ABHD18: variants seen among roughly 807,000 people sequenced by gnomAD.
ABHD18 encodes the protein cardiolipin-specific deacylase, mitochondrial.
In ABHD18, 55 loss-of-function variants were observed where a neutral mutation model predicts 65.9. The ratio of observed to expected loss-of-function variants is 0.84; its 90% CI spans 0.67 to 1.05. The LOEUF (loss-of-function observed/expected upper bound fraction) is 1.05, where lower values mean the gene tolerates loss of function less well. ABHD18 is among the 50% of genes least tolerant of loss of function. The pLI is 0.00. For missense variants in ABHD18, 533 were observed against 558.5 expected (o/e 0.95, Z 0.46); for synonymous variants, 181 against 180.2 (o/e 1.00, Z -0.04).
At chr4:127,985,564 T>TA (rs1414614771) in intron 3 of ABHD18, among the ~76,000 whole-genome samples, 1 of 151,972 alleles carries the variant, frequency 6.6e-6, no homozygotes, top group Non-Finnish European at 1.5e-5. Context: ...TTTTTTCTAT[T>TA]AAAAAATTAT....
chr4:128,028,470 T>C lies in ABHD18; in HGVS notation c.802-5T>C. The C allele has an allele frequency of 6.6e-7, 1 of 1,519,380 alleles. No homozygotes were observed. Among genetic ancestry groups the C allele is most frequent in the Non-Finnish European group, 8.8e-7 (1 of 1,138,270 alleles). 94.1% of individuals were successfully genotyped at this position (1,519,380 alleles called of 1,614,324 possible). A position where few individuals can be genotyped will look rare whatever the true frequency, so the allele number is the denominator to read the frequency against. ...ATAATGTTTTCTTTCCTTTCATATGTTCAGACAGATTCTTTCAAAATGGGA... is the reference window on the plus strand; with the variant it reads ...ATAATGTTTTCTTTCCTTTCATATGCTCAGACAGATTCTTTCAAAATGGGA... On this transcript the variant is annotated splice_polypyrimidine_tract_variant and splice_region_variant and intron_variant, in intron 10 of 12. Transcript: ENST00000645843.
chr4:128,001,645 T>A (rs953069443), intron 4 of ABHD18: 34 of 1,476,526 alleles, frequency 2.3e-5, no homozygotes, highest in Non-Finnish European at 9.1e-7. Flanking sequence ...TGCCTACTTA[T>A]GCAATTCTTG....
chr4:127,999,877 A>G (rs1752373001), intron 4 of ABHD18, among the ~76,000 whole-genome samples: 1 of 152,148 alleles, frequency 6.6e-6, no homozygotes, highest in South Asian at 2.1e-4. Context: ...ATTAGTTTGC[A>G]CGCTGCTGAT....
At chr4:128,034,817 A>G (rs1758694482) in intron 12 of ABHD18, among the ~76,000 whole-genome samples, 1 of 151,868 alleles carries the variant, frequency 6.6e-6, no homozygotes, top group African/African-American at 2.4e-5. Flanking sequence ...CACCCGGCTA[A>G]TTTTTTGTAA....
At chr4:127,978,637 C>G (rs1444324438) in intron 1 of ABHD18, among the ~76,000 whole-genome samples, 1 of 152,142 alleles carries the variant, frequency 6.6e-6, no homozygotes, top group Non-Finnish European at 1.5e-5. Context: ...ATTTAAATTG[C>G]ATACCAATTA....
At chr4:128,018,794 A>C (rs1755957908) in intron 8 of ABHD18, among the ~76,000 whole-genome samples, 1 of 152,060 alleles carries the variant, frequency 6.6e-6, no homozygotes, top group Non-Finnish European at 1.5e-5. Context: ...CGGGCAGATC[A>C]CCTGAGGTCA....
At chr4:127,974,960 C>A (rs935323764) in intron 1 of ABHD18, among the ~76,000 whole-genome samples, 3 of 136,412 alleles carry the variant, frequency 2.2e-5, no homozygotes, top group Admixed American at 1.6e-4. Context: ...CGCGCCATTG[C>A]ACTCCAGCCT....
At chr4:128,018,747 T>C (rs542797982) in intron 8 of ABHD18, among the ~76,000 whole-genome samples, 10 of 152,044 alleles carry the variant, frequency 6.6e-5, no homozygotes, top group African/African-American at 1.2e-4. Flanking sequence ...GGCACGGTGG[T>C]TCACACCTGT....
intron 7 of ABHD18, among the ~76,000 whole-genome samples, chr4:128,013,300 GT>G (rs1187745120): frequency 2.0e-5 from 3 of 152,236 alleles, no homozygotes; most frequent in Admixed American, 2.0e-4. Context: ...AGTGACTTTA[GT>G]TTAACTAGGT....
Position 128,030,523 on chromosome 4 carries a change from A to C in ABHD18, c.1194A>C (p.Pro398=), listed in dbSNP as rs947550341. The C allele has an allele frequency of 6.4e-7, 1 of 1,563,920 alleles. No individual in the cohort carries two copies. Among genetic ancestry groups the C allele is most frequent in the Admixed American group, 2.3e-5 (1 of 43,942 alleles). ...HVANFSVPVD[P]SLIIVVQAKE... is the part of the protein sequence containing the mutation. ...TCCTATACCTAGTCCCAGTTGATCC[A>C]AGCCTCATTATAGTGGTTCAAGCCA... is the stretch of plus-strand genomic sequence containing the variant. The change falls in exon 12 of 13, where the codon CCA becomes CCC. Residue 398 remains proline (P), a synonymous_variant. Coordinates refer to ENST00000645843, the MANE Select transcript of ABHD18 (RefSeq NM_001358451.3).
intron 4 of ABHD18, among the ~76,000 whole-genome samples, chr4:128,004,571 G>T (rs1011296056): frequency 2.6e-5 from 4 of 152,080 alleles, no homozygotes; most frequent in African/African-American, 9.7e-5. Flanking sequence ...ACTCATCTTA[G>T]TAATAAGGTT....
At chr4:127,978,307 C>A (rs759513275) in intron 1 of ABHD18, among the ~76,000 whole-genome samples, 3 of 151,908 alleles carry the variant, frequency 2.0e-5, no homozygotes, top group Admixed American at 1.3e-4. Context: ...AGAAAATGTT[C>A]CTGGAAAAAT....
intron 12 of ABHD18, among the ~76,000 whole-genome samples, chr4:128,032,980 G>A (rs1249988206): frequency 9.2e-5 from 14 of 152,242 alleles, no homozygotes; most frequent in South Asian, 4.1e-4. Context: ...TGGGCCGGGC[G>A]TGGTGGCTCA....
chr4:127,977,178 TA>T (rs145755776), intron 1 of ABHD18, among the ~76,000 whole-genome samples: 7 of 149,774 alleles, frequency 4.7e-5, no homozygotes, highest in African/African-American at 9.8e-5. Context: ...GAAATCTGTT[TA>T]AAAAAAAAAC....
At chr4:127,996,010 G>T (rs1413990014) in intron 4 of ABHD18, among the ~76,000 whole-genome samples, 1 of 152,156 alleles carries the variant, frequency 6.6e-6, no homozygotes, top group Non-Finnish European at 1.5e-5. Context: ...GGTACTTAAC[G>T]GCTTCCCACT....
At chr4:128,016,047 G>A (rs1490677124) in intron 7 of ABHD18, among the ~76,000 whole-genome samples, 3 of 145,520 alleles carry the variant, frequency 2.1e-5, no homozygotes, top group South Asian at 4.4e-4. Flanking sequence ...TCCACCTCCC[G>A]GGCTCAAGTG....
At chr4:128,020,629 C>T (rs1199175837) in intron 9 of ABHD18, among the ~76,000 whole-genome samples, 2 of 152,144 alleles carry the variant, frequency 1.3e-5, no homozygotes, top group South Asian at 2.1e-4. Flanking sequence ...AGTTTAGGTA[C>T]AGTGACCCAC....
chr4:128,027,554 C>T (rs1213639673), intron 10 of ABHD18, among the ~76,000 whole-genome samples: 2 of 152,100 alleles, frequency 1.3e-5, no homozygotes, highest in Non-Finnish European at 2.9e-5. Flanking sequence ...AACAGGCACA[C>T]ACCATCATGC....
chr4:127,990,159 T>G (rs546030728), intron 4 of ABHD18, among the ~76,000 whole-genome samples: 33 of 152,326 alleles, frequency 2.2e-4, no homozygotes, highest in Non-Finnish European at 4.4e-4. Flanking sequence ...TTAGTTCCAT[T>G]TTTGTAAACA....
Sources: allele counts gnomAD v4.1 joint callset (sites outside exome capture counted in the v4.1 genomes callset), GRCh38; gene constraint gnomAD v4.1.1; transcripts MANE v1.5; gene names NCBI Gene and HGNC (gene_info 2026-07-23, HGNC 2026-07-21).